The following ZNF618 variants were observed in gnomAD, a reference collection of about 807,000 sequenced individuals.
ZNF618 encodes neural precursor cell expressed, developmentally down-regulated 10.
Under a neutral mutation model 103.0 loss-of-function variants are expected in ZNF618, and 34 were observed. That is an observed-to-expected ratio of 0.33 (90% CI 0.25 to 0.44). ZNF618 has a LOEUF of 0.44. ZNF618 is among the 20% of genes least tolerant of loss of function. The probability of loss-of-function intolerance (pLI) is 1.00; values close to 1 mark genes in which losing one functional copy is unlikely to be tolerated. For synonymous variants in ZNF618, 551 were observed against 542.2 expected, an observed-to-expected ratio of 1.02 and a Z score of -0.23; for missense variants, 1,059 against 1,295.4, an observed-to-expected ratio of 0.82 and a Z score of 2.80.
intron 1 of ZNF618, among the ~76,000 whole-genome samples, chr9:113,891,717 C>CAT (rs1295576417): frequency 1.3e-5 from 2 of 152,180 alleles, no homozygotes; most frequent in Non-Finnish European, 2.9e-5. Flanking sequence ...AAATGTCCAT[C>CAT]TACAGATGAA....
chr9:113,988,668 C>A, intron 3 of ZNF618, 88 bp downstream of exon 3: 1 of 1,469,334 alleles, frequency 6.8e-7, no homozygotes, highest in Non-Finnish European at 9.0e-7. Context: ...GGCGCCTCTG[C>A]CCCCTTCCTG....
intron 1 of ZNF618, among the ~76,000 whole-genome samples, chr9:113,957,298 G>T (rs1266138315): frequency 6.6e-6 from 1 of 152,170 alleles, no homozygotes; most frequent in Non-Finnish European, 1.5e-5. Flanking sequence ...CAACAGCCGT[G>T]GGATGGGGGG....
intron 10 of ZNF618, among the ~76,000 whole-genome samples, chr9:114,023,249 A>T (rs1359171): frequency 0.092 from 13,978 of 151,976 alleles, 776 homozygotes; most frequent in African/African-American, 0.15. Context: ...AGTATTTTTT[A>T]AAAATGCCTC....
intron 1 of ZNF618, among the ~76,000 whole-genome samples, chr9:113,952,332 C>T (rs1035746661): frequency 1.3e-5 from 2 of 152,180 alleles, no homozygotes; most frequent in Non-Finnish European, 2.9e-5. Flanking sequence ...CCACCTTTTA[C>T]CACCCCTTCC....
At chr9:113,911,127 C>T (rs936385479) in intron 1 of ZNF618, among the ~76,000 whole-genome samples, 1 of 152,154 alleles carries the variant, frequency 6.6e-6, no homozygotes, top group Non-Finnish European at 1.5e-5. Flanking sequence ...AGCCACCGCG[C>T]CCGGCCTGAA....
At chr9:113,988,286 G>C in intron 2 of ZNF618, 35 bp from the exon 3 acceptor site, 1 of 1,587,086 alleles carries the variant, frequency 6.3e-7, no homozygotes, top group African/African-American at 1.3e-5. Flanking sequence ...TGATCTGGAG[G>C]AAGAAGGTAT....
chr9:114,007,326 G>A (rs1220339274), intron 6 of ZNF618, 24 bp from the exon 7 acceptor site: 12 of 1,609,228 alleles, frequency 7.5e-6, no homozygotes, highest in Middle Eastern at 1.6e-4. Context: ...CTGGTAACCA[G>A]GTGTGTGTTT....
At chr9:113,894,705 A>G (rs1829891779) in intron 1 of ZNF618, among the ~76,000 whole-genome samples, 1 of 152,072 alleles carries the variant, frequency 6.6e-6, no homozygotes, top group African/African-American at 2.4e-5. Flanking sequence ...GATATTTGAT[A>G]TTTTTGACCG....
At chr9:113,991,915 T>C (rs534197167) in intron 3 of ZNF618, among the ~76,000 whole-genome samples, 2 of 152,250 alleles carry the variant, frequency 1.3e-5, no homozygotes, top group Non-Finnish European at 2.9e-5. Context: ...AGGGCCAGAG[T>C]GCTCCCTGCT....
At chr9:113,969,762 G>A (rs1448708126) in intron 2 of ZNF618, among the ~76,000 whole-genome samples, 2 of 152,170 alleles carry the variant, frequency 1.3e-5, no homozygotes, top group Non-Finnish European at 2.9e-5. Context: ...TAGGTACTTG[G>A]TAATGTTAAC....
chr9:113,917,018 G>T (rs1334362233), intron 1 of ZNF618, among the ~76,000 whole-genome samples: 1 of 152,178 alleles, frequency 6.6e-6, no homozygotes, highest in Non-Finnish European at 1.5e-5. Context: ...GGCATGGAGA[G>T]GGTGGAATGG....
intron 3 of ZNF618, among the ~76,000 whole-genome samples, chr9:113,997,449 G>A (rs1263112786): frequency 1.3e-5 from 2 of 152,150 alleles, no homozygotes; most frequent in Non-Finnish European, 2.9e-5. Context: ...GTGTGGCTTG[G>A]GAGCAAATCA....
At chr9:113,986,178 C>T (rs913561875) in intron 2 of ZNF618, among the ~76,000 whole-genome samples, 7 of 152,144 alleles carry the variant, frequency 4.6e-5, no homozygotes, top group African/African-American at 1.4e-4. Flanking sequence ...TCCATGTGTT[C>T]GTTGATTAAA....
At chr9:113,937,668 G>T (rs895003254) in intron 1 of ZNF618, among the ~76,000 whole-genome samples, 2 of 152,108 alleles carry the variant, frequency 1.3e-5, no homozygotes, top group Admixed American at 1.3e-4. Flanking sequence ...TTATATTCAG[G>T]TTAAGCACTT....
In ZNF618 at chr9:113,998,289, G is replaced by A; in HGVS notation, c.368G>A (p.Gly123Asp). ...DGKAPEGSPH[G>D]GSVRSRYSGT... Reference sequence around the variant, plus strand: ...AAAGCGCCCGAAGGCAGCCCCCACGGTGGATCTGTGCGAAGCCGGTATTCA... The same window carrying A: ...AAAGCGCCCGAAGGCAGCCCCCACGATGGATCTGTGCGAAGCCGGTATTCA... Residue 123 changes from glycine (G) to aspartate (D), a missense_variant, in exon 4 of 15, where the codon GGT (glycine) becomes GAT (aspartate). This residue lies in a region of ZNF618 where 194 missense variants were observed against 209.0 expected (regional missense o/e 0.93). Transcript: ENST00000374126. 1 of 1,550,632 alleles carries A rather than the reference G, an allele frequency of 6.4e-7. No individual in the cohort carries two copies. The highest frequency in any genetic ancestry group is 8.7e-7 in the Non-Finnish European group (1 of 1,147,006).
chr9:113,982,676 C>G (rs10441747), intron 2 of ZNF618, among the ~76,000 whole-genome samples: 85,536 of 152,000 alleles, frequency 0.56, 24,404 homozygotes, highest in Middle Eastern at 0.77. Context: ...CTGTATACAT[C>G]AGGCAAAAAG....
chr9:113,943,131 A>G (rs565797094), intron 1 of ZNF618, among the ~76,000 whole-genome samples: 82 of 152,334 alleles, frequency 5.4e-4, no homozygotes, highest in Non-Finnish European at 1.0e-3. Flanking sequence ...CGTGGTTTAC[A>G]GAGCAAATGT....
chr9:114,010,513 T>G lies in ZNF618; in HGVS notation c.754+1959T>G, dbSNP rs192764397. Reference sequence around the variant, plus strand: ...CAAGGTCAGGAGATTGAGACCATCCTGGCCAACATGGTGAAACCCCATCTC... The same window carrying G: ...CAAGGTCAGGAGATTGAGACCATCCGGGCCAACATGGTGAAACCCCATCTC... On this transcript the variant is annotated intron_variant, in intron 9 of 14. Transcript: ENST00000374126. Among the ~76,000 whole-genome samples, 471 of 152,014 alleles carry G rather than the reference T, an allele frequency of 3.1e-3. 2 individuals are homozygous for G. The highest frequency in any genetic ancestry group is 6.5e-3 in the African/African-American group (271 of 41,474).
intron 2 of ZNF618, among the ~76,000 whole-genome samples, chr9:113,973,305 C>T (rs1455058311): frequency 6.6e-6 from 1 of 152,194 alleles, no homozygotes; most frequent in East Asian, 1.9e-4. Flanking sequence ...CCAACGTGGG[C>T]TTCTACCCCC....
Sources: gnomAD v4.1 joint callset for allele counts (sites outside exome capture counted in the v4.1 genomes callset) on GRCh38, gnomAD v4.1.1 for gene constraint, gnomAD v4.1.1 regional missense constraint, MANE v1.5 for transcripts, NCBI Gene and HGNC (gene_info 2026-07-23, HGNC 2026-07-21) for gene names.